ADGRD1: variants seen among roughly 807,000 people sequenced by gnomAD.
ADGRD1 encodes adhesion G protein-coupled receptor D1.
Under a neutral mutation model 113.4 loss-of-function variants are expected in ADGRD1, and 77 were observed. The observed-to-expected ratio is 0.68, with a 90% CI of 0.57 to 0.82. The LOEUF is 0.82. ADGRD1 is among the 40% of genes least tolerant of loss of function. The pLI is 0.00. For synonymous variants in ADGRD1, 474 were observed against 475.0 expected (o/e 1.00, Z 0.03); for missense variants, 1,036 against 1,139.1 (o/e 0.91, Z 1.30).
chr12:131,040,412 G>A (rs974110847), intron 13 of ADGRD1, among the ~76,000 whole-genome samples: 6 of 152,140 alleles, frequency 3.9e-5, no homozygotes, highest in Non-Finnish European at 7.4e-5. Flanking sequence ...ATTTCTTAAG[G>A]GCAAAGTCTT....
chr12:131,002,703 G>T (rs1876543175), intron 9 of ADGRD1: 4 of 1,214,502 alleles, frequency 3.3e-6, no homozygotes, highest in Non-Finnish European at 4.2e-6. Context: ...GGGAAGTCAA[G>T]GCAGCCAGAG....
At chr12:130,997,197 C>G (rs905921955) in intron 8 of ADGRD1, among the ~76,000 whole-genome samples, 1 of 143,184 alleles carries the variant, frequency 7.0e-6, no homozygotes, top group Non-Finnish European at 1.6e-5. Context: ...GACCCCCCCC[C>G]CCGGACGGGG....
chr12:131,105,711 G>T (rs1280236414), intron 16 of ADGRD1, 43 bp from the exon 17 acceptor site: 3 of 1,494,906 alleles, frequency 2.0e-6, no homozygotes, highest in South Asian at 1.2e-5. Flanking sequence ...GGGGGACTGG[G>T]TCGGCGCAGG....
chr12:131,084,787 G>A lies in ADGRD1; in HGVS notation c.1671+124G>A, dbSNP rs1593185098. On this transcript the variant is annotated intron_variant, in intron 15 of 24. Coordinates refer to ENST00000261654, the MANE Select transcript of ADGRD1 (RefSeq NM_198827.5). This position sits in a 1 kb window ranked among gnomAD's most constrained non-coding sequence, Gnocchi z 4.5. ...CTGGGCACATTACTCCATGGGGCCTGTGTTTACAGACGGAATCCATTCTCT... is the reference window on the plus strand; with the variant it reads ...CTGGGCACATTACTCCATGGGGCCTATGTTTACAGACGGAATCCATTCTCT... 4 of 1,027,928 alleles carry A rather than the reference G, an allele frequency of 3.9e-6. No individual in the cohort carries two copies. In the East Asian group the frequency reaches 1.0e-4, roughly 27 times the overall value. The allele number at this position is 1,027,928 out of a possible 1,614,324, so 63.7% of individuals were successfully genotyped here.
At chr12:131,089,940 A>T (rs1569020) in intron 15 of ADGRD1, among the ~76,000 whole-genome samples, 1 of 152,214 alleles carries the variant, frequency 6.6e-6, no homozygotes, top group African/African-American at 2.4e-5. Context: ...ACTAAAGCCC[A>T]GTGTGACTTC....
chr12:130,996,717 C>G lies in ADGRD1; in HGVS notation c.967-3666C>G, dbSNP rs1391764756. On this transcript the variant is annotated intron_variant, in intron 8 of 24. Coordinates refer to ENST00000261654, the MANE Select transcript of ADGRD1 (RefSeq NM_198827.5). ...TGGCCGGGCGGGGGGCTGACCCCCCCACCACCCTCCCGGACGGGGTGGCTG... is the reference window on the plus strand; with the variant it reads ...TGGCCGGGCGGGGGGCTGACCCCCCGACCACCCTCCCGGACGGGGTGGCTG... Among the ~76,000 whole-genome samples, 18 of 93,586 alleles carry G rather than the reference C, an allele frequency of 1.9e-4. 2 individuals are homozygous for G. The highest frequency in any genetic ancestry group is 6.6e-4 in the African/African-American group (16 of 24,064). The allele number at this position is 93,586 out of a possible 152,430, so 61.4% of individuals were successfully genotyped here. A position where few individuals can be genotyped will look rare whatever the true frequency, so the allele number is the denominator to read the frequency against.
chr12:131,103,056 C>T (rs577700339), intron 15 of ADGRD1, among the ~76,000 whole-genome samples: 1 of 152,334 alleles, frequency 6.6e-6, no homozygotes, highest in South Asian at 2.1e-4. Context: ...TGGCCCTGGC[C>T]ACGCAGTGCC....
At chr12:130,959,474 G>A (rs898091792) in intron 2 of ADGRD1, among the ~76,000 whole-genome samples, 36 of 152,298 alleles carry the variant, frequency 2.4e-4, no homozygotes, top group African/African-American at 8.7e-4. Flanking sequence ...GGGAGGCTGA[G>A]GTGGGAGGAT....
At chr12:131,092,277 C>T (rs1445422827) in intron 15 of ADGRD1, among the ~76,000 whole-genome samples, 2 of 152,296 alleles carry the variant, frequency 1.3e-5, no homozygotes, top group East Asian at 1.9e-4. Flanking sequence ...GCCACACACC[C>T]AATGAAGGTG....
At position 131,084,949 on chromosome 12, in the gene ADGRD1, G is replaced by A. The variant is rs577013177; in HGVS notation, c.1671+286G>A. Among the ~76,000 whole-genome samples, 2 of 152,348 alleles carry A rather than the reference G, an allele frequency of 1.3e-5. No individual in the cohort carries two copies. The highest frequency in any genetic ancestry group is 4.1e-4 in the South Asian group (2 of 4,830). The stretch of plus-strand genomic sequence containing the variant: ...ACTGCACCTGGGGGGATCCAAGGAG[G>A]GACCCCTCATCCCTCCATCTGTCCC... On this transcript the variant is annotated intron_variant, in intron 15 of 24. Transcript: ENST00000261654. The surrounding 1 kb of genome is among the most constrained non-coding windows in gnomAD (Gnocchi z 4.5).
Position 130,992,305 on chromosome 12 carries a change from C to G in ADGRD1, c.879C>G (p.Pro293=). Residue 293 remains proline, a synonymous_variant, in exon 8 of 25, where the codon CCC becomes CCG. Transcript: ENST00000261654. ...AAGAGAGAAAAACCTTCCAAAGTCC[C>G]GGAGTGATACTGAGTTACCTCCAAA... The part of the protein sequence containing the change: ...LTEERKTFQS[P]GVILSYLQNV... 1 of 1,613,078 alleles carries G rather than the reference C, an allele frequency of 6.2e-7. No individual in the cohort carries two copies. Among genetic ancestry groups the G allele is most frequent in the Non-Finnish European group, 8.5e-7 (1 of 1,179,132 alleles).
chr12:131,030,746 C>A (rs1166565746), intron 13 of ADGRD1: 1 of 152,390 alleles, frequency 6.6e-6, no homozygotes, highest in Non-Finnish European at 1.5e-5. Context: ...TGGAGTGTGG[C>A]GCGTGACACC....
At chr12:130,976,096 TC>T (rs1367350973) in intron 4 of ADGRD1, among the ~76,000 whole-genome samples, 11 of 152,164 alleles carry the variant, frequency 7.2e-5, no homozygotes, top group Non-Finnish European at 1.6e-4. Flanking sequence ...GTTGACTTTT[TC>T]CCCCTTTGCA....
At chr12:130,959,001 G>C (rs564532566) in intron 2 of ADGRD1, among the ~76,000 whole-genome samples, 1 of 152,206 alleles carries the variant, frequency 6.6e-6, no homozygotes, top group Non-Finnish European at 1.5e-5. Flanking sequence ...AGCTCACAGC[G>C]TGAGGGGAAT....
At position 131,110,372 on chromosome 12, in the gene ADGRD1, ATTTTC is replaced by A. The variant is rs1330578208; in HGVS notation, c.2041+1498_2041+1502del. Among the ~76,000 whole-genome samples, 6 of 142,996 alleles carry A rather than the reference ATTTTC, an allele frequency of 4.2e-5. No individual in the cohort carries two copies. The East Asian group carries it at 1.2e-3, about 29-fold the overall frequency. 93.8% of individuals were successfully genotyped at this position (142,996 alleles called of 152,430 possible). On this transcript the variant is annotated intron_variant, in intron 18 of 24. Transcript: ENST00000261654. ...TTTTTTTCACTTTTTTTTTTTGGTTATTTTCTTAGCGATTGACCTAATGCTTACTA... is the reference window on the plus strand; with the variant it reads ...TTTTTTTCACTTTTTTTTTTTGGTTATTAGCGATTGACCTAATGCTTACTA...
chr12:131,101,852 T>C (rs746140419), intron 15 of ADGRD1, among the ~76,000 whole-genome samples: 2 of 152,212 alleles, frequency 1.3e-5, no homozygotes, highest in Admixed American at 6.5e-5. Flanking sequence ...CTTAGAAAGA[T>C]TGCATATCCA....
At chr12:131,133,072 G>A (rs956671488) in intron 21 of ADGRD1, among the ~76,000 whole-genome samples, 1 of 152,130 alleles carries the variant, frequency 6.6e-6, no homozygotes, top group Non-Finnish European at 1.5e-5. Context: ...AGATGCTCGT[G>A]GGGTCAGAGA....
chr12:130,990,937 T>A, intron 6 of ADGRD1, 77 bp from the exon 7 acceptor site: 4 of 1,149,454 alleles, frequency 3.5e-6, no homozygotes, highest in Non-Finnish European at 3.9e-6. Flanking sequence ...CCAGTACATT[T>A]TTAACAAGGA....
At chr12:131,103,911 C>T (rs571171843) in intron 15 of ADGRD1, among the ~76,000 whole-genome samples, 5 of 152,276 alleles carry the variant, frequency 3.3e-5, no homozygotes, top group Non-Finnish European at 5.9e-5. Flanking sequence ...GGAGGCTGCC[C>T]TTCCAGGCCT....
Sources: gnomAD v4.1 joint callset for allele counts (sites outside exome capture counted in the v4.1 genomes callset) on GRCh38, gnomAD v4.1.1 for gene constraint, Gnocchi (gnomAD v3.1) non-coding constraint, MANE v1.5 for transcripts, NCBI Gene and HGNC (gene_info 2026-07-23, HGNC 2026-07-21) for gene names.